The following SPOCK3 variants were observed in gnomAD, a reference collection of about 807,000 sequenced individuals.
SPOCK3 encodes the protein SPARC (osteonectin), cwcv and kazal like domains proteoglycan 3, also known as testican-3.
SPOCK3 carries 30 observed loss-of-function variants against 56.6 expected under a neutral mutation model. The ratio of observed to expected loss-of-function variants is 0.53; its 90% confidence interval spans 0.40 to 0.72. SPOCK3 has a LOEUF of 0.72. SPOCK3 is among the 30% of genes least tolerant of loss of function. The pLI is 0.00. For synonymous variants in SPOCK3, 196 were observed against 183.3 expected, an observed-to-expected ratio of 1.07 and a Z score of -0.56; for missense variants, 527 against 530.0, an observed-to-expected ratio of 0.99 and a Z score of 0.06.
chr4:167,105,617 T>C (rs1760055146), intron 2 of SPOCK3, among the ~76,000 whole-genome samples: 2 of 150,588 alleles, frequency 1.3e-5, no homozygotes. Context: ...TTATCAATAA[T>C]AACATTGAAA....
chr4:167,164,146 G>T (rs1765555185), intron 2 of SPOCK3, among the ~76,000 whole-genome samples: 1 of 152,036 alleles, frequency 6.6e-6, no homozygotes, highest in African/African-American at 2.4e-5. Context: ...AGCTTCAGTT[G>T]GGAATAGGAA....
At chr4:166,967,836 A>G (rs1173508644) in intron 4 of SPOCK3, among the ~76,000 whole-genome samples, 3 of 152,200 alleles carry the variant, frequency 2.0e-5, no homozygotes, top group Non-Finnish European at 4.4e-5. Context: ...TCAAAAAAAG[A>G]CAGAAAGGTG....
chr4:167,138,575 T>A (rs1203106881), intron 2 of SPOCK3, among the ~76,000 whole-genome samples: 1 of 151,894 alleles, frequency 6.6e-6, no homozygotes, highest in Non-Finnish European at 1.5e-5. Flanking sequence ...ACTTTAAGTG[T>A]TTAAACAGAA....
At chr4:167,000,113 TTA>T (rs1748795177) in intron 4 of SPOCK3, among the ~76,000 whole-genome samples, 1 of 152,154 alleles carries the variant, frequency 6.6e-6, no homozygotes, top group Non-Finnish European at 1.5e-5. Flanking sequence ...AATATCATCT[TTA>T]TAAGACCTTC....
At chr4:167,114,125 G>A (rs1235014970) in intron 2 of SPOCK3, among the ~76,000 whole-genome samples, 2 of 152,104 alleles carry the variant, frequency 1.3e-5, no homozygotes, top group Non-Finnish European at 2.9e-5. Flanking sequence ...GCTTATAGCA[G>A]ACCAAACTCT....
chr4:166,809,366 A>G (rs551277094), intron 6 of SPOCK3, among the ~76,000 whole-genome samples: 31 of 152,168 alleles, frequency 2.0e-4, no homozygotes, highest in African/African-American at 7.0e-4. Flanking sequence ...GGCTTAAGCC[A>G]TACTATTCCA....
At chr4:167,118,264 T>C (rs1030446299) in intron 2 of SPOCK3, among the ~76,000 whole-genome samples, 3 of 152,164 alleles carry the variant, frequency 2.0e-5, no homozygotes, top group Non-Finnish European at 4.4e-5. Flanking sequence ...TTATAGAACA[T>C]AATGAGAATC....
At chr4:166,746,135 A>G (rs1442830752) in intron 8 of SPOCK3, among the ~76,000 whole-genome samples, 1 of 152,186 alleles carries the variant, frequency 6.6e-6, no homozygotes, top group Non-Finnish European at 1.5e-5. Flanking sequence ...CACCAAGCAG[A>G]CTTAATAGAC....
At chr4:167,002,103 C>T (rs1203014610) in intron 3 of SPOCK3, among the ~76,000 whole-genome samples, 3 of 151,892 alleles carry the variant, frequency 2.0e-5, no homozygotes, top group South Asian at 2.1e-4. Context: ...GGACTACAGG[C>T]GCCCACCACC....
intron 4 of SPOCK3, among the ~76,000 whole-genome samples, chr4:166,954,749 A>C (rs547109762): frequency 6.6e-6 from 1 of 152,272 alleles, no homozygotes; most frequent in South Asian, 2.1e-4. Flanking sequence ...CTTCCACCAC[A>C]ATCCAAATTC....
chr4:167,060,346 G>T (rs1380250484), intron 3 of SPOCK3, among the ~76,000 whole-genome samples: 1 of 150,316 alleles, frequency 6.7e-6, no homozygotes, highest in Non-Finnish European at 1.5e-5. Context: ...TGAAGGAAGA[G>T]TCTGTCACCA....
chr4:166,747,109 A>C (rs1352959147), intron 8 of SPOCK3, among the ~76,000 whole-genome samples: 1 of 152,178 alleles, frequency 6.6e-6, no homozygotes, highest in Admixed American at 6.6e-5. Flanking sequence ...ATAGAAAAAA[A>C]GTGAATCCTC....
chr4:167,084,850 T>C (rs931032737), intron 2 of SPOCK3, among the ~76,000 whole-genome samples: 2 of 152,080 alleles, frequency 1.3e-5, no homozygotes, highest in Admixed American at 1.3e-4. Context: ...TATAAATATA[T>C]TAAAAATGAG....
At chr4:166,741,296 T>C (rs1560806320) in intron 9 of SPOCK3, among the ~76,000 whole-genome samples, 1 of 152,324 alleles carries the variant, frequency 6.6e-6, no homozygotes, top group Non-Finnish European at 1.5e-5. Flanking sequence ...TCATCGTTAT[T>C]TGGCACATGC....
intron 8 of SPOCK3, chr4:166,754,070 A>T (rs1736751108): frequency 2.6e-5 from 25 of 951,790 alleles, no homozygotes; most frequent in Non-Finnish European, 3.1e-5. Flanking sequence ...AAATAACTTT[A>T]TGGTGAATGC....
At chr4:167,116,206 C>T (rs1028346276) in intron 2 of SPOCK3, among the ~76,000 whole-genome samples, 1 of 151,780 alleles carries the variant, frequency 6.6e-6, no homozygotes. Flanking sequence ...CACATACACA[C>T]ACCCCAAAAG....
chr4:167,030,656 T>C (rs888913838), intron 3 of SPOCK3, among the ~76,000 whole-genome samples: 2 of 152,050 alleles, frequency 1.3e-5, no homozygotes, highest in Non-Finnish European at 1.5e-5. Context: ...CTCAATTTCA[T>C]GGTTCAGGAT....
intron 3 of SPOCK3, among the ~76,000 whole-genome samples, chr4:167,057,236 T>A (rs1754996303): frequency 6.6e-6 from 1 of 152,150 alleles, no homozygotes; most frequent in Admixed American, 6.5e-5. Flanking sequence ...AAGCAAATGC[T>A]CAGCGATTTT....
chr4:166,944,725 CT>C (rs1406451929), intron 4 of SPOCK3, among the ~76,000 whole-genome samples: 12 of 146,420 alleles, frequency 8.2e-5, no homozygotes, highest in African/African-American at 3.0e-4. Flanking sequence ...TCTTATGTGG[CT>C]CATAATTTAT....
Sources: allele counts gnomAD v4.1 joint callset (sites outside exome capture counted in the v4.1 genomes callset), GRCh38; gene constraint gnomAD v4.1.1; transcripts MANE v1.5; gene names NCBI Gene and HGNC (gene_info 2026-07-23, HGNC 2026-07-21).